The following SNX19 variants were observed in gnomAD, a reference collection of about 807,000 sequenced individuals.
SNX19 encodes sorting nexin 19, also known as sorting nexin-19.
Under a neutral mutation model 85.2 loss-of-function variants are expected in SNX19, and 60 were observed. The ratio of observed to expected loss-of-function variants is 0.70; its 90% confidence interval spans 0.57 to 0.87. The LOEUF (loss-of-function observed/expected upper bound fraction) is 0.87. Ranked by LOEUF, SNX19 falls within the 40% of genes least tolerant of loss-of-function variation. SNX19 has a pLI of 0.00. For missense variants in SNX19, 1,201 were observed against 1,217.8 expected, an observed-to-expected ratio of 0.99 and a Z score of 0.21; for synonymous variants, 520 against 470.0, an observed-to-expected ratio of 1.11 and a Z score of -1.38.
At chr11:130,903,205 C>A in intron 8 of SNX19, 50 bp downstream of exon 8, 3 of 1,609,338 alleles carry the variant, frequency 1.9e-6, no homozygotes, top group South Asian at 1.1e-5. Context: ...TCACATCCAC[C>A]TTCTCTGCAA....
rs192034477 is a variant in SNX19 at position 130,872,077 on chromosome 11, C to A, written c.*6345G>T. Among the ~76,000 whole-genome samples, 1 of 152,050 alleles carries A rather than the reference C, an allele frequency of 6.6e-6. No homozygotes were observed. ...AGAGATGGTGTGCTGGGGGCTTTCA[C>A]GGAAGCGCTTGCAGGTAAGGCTTGG... On this transcript the variant is annotated 3_prime_UTR_variant, in exon 11 of 11. Transcript: ENST00000265909.
At chr11:130,903,749 A>ACACG (rs1945443545) in intron 7 of SNX19, among the ~76,000 whole-genome samples, 1 of 142,144 alleles carries the variant, frequency 7.0e-6, no homozygotes, top group Admixed American at 7.1e-5. Context: ...ACACACACAC[A>ACACG]CGCACTTATT....
In SNX19 at chr11:130,868,186, C is replaced by T. The variant is rs562724179; in HGVS notation, c.*10236G>A. 3 of 152,152 alleles carry T rather than the reference C, an allele frequency of 2.0e-5. No individual in the cohort carries two copies. The highest frequency in any genetic ancestry group is 6.5e-5 in the Admixed American group (1 of 15,280). 9.4% of individuals were successfully genotyped at this position (152,152 alleles called of 1,614,324 possible). A position where few individuals can be genotyped will look rare whatever the true frequency, so the allele number is the denominator to read the frequency against. On this transcript the variant is annotated 3_prime_UTR_variant, in exon 11 of 11. Coordinates refer to ENST00000265909, the MANE Select transcript of SNX19 (RefSeq NM_014758.3). ...GCTGATTTTTCACTTCTCATGCCTT[C>T]CCTTTTCACACACTGGGGGCAGACA...
intron 8 of SNX19, among the ~76,000 whole-genome samples, chr11:130,883,491 A>T (rs534312994): frequency 6.6e-6 from 1 of 152,228 alleles, no homozygotes; most frequent in African/African-American, 2.4e-5. Context: ...CCAGGCCTAC[A>T]AAGAGGGACA....
chr11:130,915,876 T>C lies in SNX19; in HGVS notation c.64A>G (p.Asn22Asp), dbSNP rs753568147. The stretch of plus-strand genomic sequence containing the variant: ...ATCAGCTTCCGGCTACTCAACAGGT[T>C]ATTGAGGTGACAGCTCGATCCAGCT... ...TPAGSSCHLN[N>D]LLSSRKLMAV... The change falls in exon 1 of 11, where the codon AAC becomes GAC. Residue 22 changes from asparagine to aspartate, a missense_variant. This residue lies in a region of SNX19 where 791 missense variants were observed against 750.9 expected (regional missense o/e 1.05). Transcript: ENST00000265909. The C allele has an allele frequency of 1.9e-6, 3 of 1,614,078 alleles. No individual in the cohort carries two copies. The African/African-American group carries it at 4.0e-5, about 22-fold the overall frequency.
intron 7 of SNX19, among the ~76,000 whole-genome samples, chr11:130,904,289 T>C (rs1033246231): frequency 2.6e-5 from 4 of 152,202 alleles, no homozygotes; most frequent in Non-Finnish European, 5.9e-5. Context: ...ATTAATATTA[T>C]AAGTAATATC....
intron 8 of SNX19, among the ~76,000 whole-genome samples, chr11:130,886,976 C>T (rs925502477): frequency 6.6e-6 from 1 of 152,148 alleles, no homozygotes; most frequent in Admixed American, 6.5e-5. Flanking sequence ...AAATGAACCC[C>T]GAGGGCAAGA....
chr11:130,872,192 C>T lies in SNX19; in HGVS notation c.*6230G>A, dbSNP rs968665184. On this transcript the variant is annotated 3_prime_UTR_variant, in exon 11 of 11. Coordinates refer to ENST00000265909, the MANE Select transcript of SNX19 (RefSeq NM_014758.3). ...GTAATTCTCTGCATCCTGTCACATG[C>T]TTGTTTCTGCCTCCAAGAAAGCAGA... Among the ~76,000 whole-genome samples, 1 of 152,152 alleles carries T rather than the reference C, an allele frequency of 6.6e-6. No individual in the cohort carries two copies. Among genetic ancestry groups the T allele is most frequent in the Non-Finnish European group, 1.5e-5 (1 of 68,026 alleles).
At chr11:130,894,554 G>T (rs11222379) in intron 8 of SNX19, among the ~76,000 whole-genome samples, 16,819 of 151,766 alleles carry the variant, frequency 0.11, 1,049 homozygotes, top group South Asian at 0.22. Context: ...AAAACAAACA[G>T]GTCTTCCTCA....
At chr11:130,893,740 G>C (rs1483567231) in intron 8 of SNX19, 1 of 694,968 alleles carries the variant, frequency 1.4e-6, no homozygotes, top group Non-Finnish European at 2.6e-6. Context: ...GGGGGAGAGA[G>C]GAGGCAGGTG....
At chr11:130,908,852 C>T (rs1247057112) in intron 4 of SNX19, among the ~76,000 whole-genome samples, 1 of 152,246 alleles carries the variant, frequency 6.6e-6, no homozygotes, top group Non-Finnish European at 1.5e-5. Context: ...ATTTACTCTT[C>T]CTCTGGTGCT....
chr11:130,875,777 G>A lies in SNX19; in HGVS notation c.*2645C>T, dbSNP rs1943215564. On this transcript the variant is annotated 3_prime_UTR_variant, in exon 11 of 11. Coordinates refer to ENST00000265909, the MANE Select transcript of SNX19 (RefSeq NM_014758.3). ...GTTAACGGGTGCAGCACACCAACAC[G>A]GCACATGTATACATATGCAACAAAC... 1.3e-5 allele frequency: 2 copies of A among 151,922 alleles called. No individual in the cohort carries two copies. The highest frequency in any genetic ancestry group is 4.2e-4 in the South Asian group (2 of 4,814). 9.4% of individuals were successfully genotyped at this position (151,922 alleles called of 1,614,324 possible).
intron 8 of SNX19, chr11:130,893,698 A>G: frequency 1.5e-6 from 1 of 671,662 alleles, no homozygotes; most frequent in East Asian, 2.7e-5. Flanking sequence ...GGAGTAATAA[A>G]TAAAACTGGA....
At chr11:130,885,158 G>C (rs1017056617) in intron 8 of SNX19, among the ~76,000 whole-genome samples, 28 of 152,050 alleles carry the variant, frequency 1.8e-4, no homozygotes, top group African/African-American at 6.8e-4. Context: ...AGCCTTAATA[G>C]GGGGCCTAGA....
rs1173012942 is a variant in SNX19 at position 130,875,002 on chromosome 11, C to T, written c.*3420G>A. 6.6e-6 allele frequency among the ~76,000 whole-genome samples: 1 copy of T among 152,166 alleles called. No homozygotes were observed. The highest frequency in any genetic ancestry group is 2.4e-5 in the African/African-American group (1 of 41,444). ...CAGAACAATATATGATCCAGCAATCCTACTTCTGGGTATTTATCTAAAATA... is the reference window on the plus strand; with the variant it reads ...CAGAACAATATATGATCCAGCAATCTTACTTCTGGGTATTTATCTAAAATA... On this transcript the variant is annotated 3_prime_UTR_variant, in exon 11 of 11. Coordinates refer to ENST00000265909, the MANE Select transcript of SNX19 (RefSeq NM_014758.3).
intron 8 of SNX19, among the ~76,000 whole-genome samples, chr11:130,892,056 C>T (rs1362534402): frequency 6.6e-6 from 1 of 151,390 alleles, no homozygotes; most frequent in African/African-American, 2.4e-5. Context: ...GTTGATCAGG[C>T]TGGTCTGAAA....
At chr11:130,888,164 TA>T (rs1462407176) in intron 8 of SNX19, among the ~76,000 whole-genome samples, 1 of 151,628 alleles carries the variant, frequency 6.6e-6, no homozygotes, top group Non-Finnish European at 1.5e-5. Context: ...TTTGTGCAAT[TA>T]AAAAAAAATC....
rs753014339 is a variant in SNX19 at position 130,915,453 on chromosome 11, C to T, written c.487G>A (p.Gly163Ser). 3.1e-6 allele frequency: 5 copies of T among 1,614,056 alleles called. No individual in the cohort carries two copies. The highest frequency in any genetic ancestry group is 2.5e-6 in the Non-Finnish European group (3 of 1,180,028). ...TGAATGTAGCTCTGCAGGTGACAAC[C>T]GCAGAGAGTCAGAACACTCTGGGCA... ...AVAQSVLTLC[G>S]CHLQSYIQAK... Residue 163 changes from glycine to serine, a missense_variant, in exon 1 of 11, where the codon GGT becomes AGT. By Grantham distance (56) the Gly-to-Ser change is moderately conservative (BLOSUM62 0). Coordinates refer to ENST00000265909, the MANE Select transcript of SNX19 (RefSeq NM_014758.3).
At chr11:130,892,674 G>A (rs10732870) in intron 8 of SNX19, 90,996 of 152,020 alleles carry the variant, frequency 0.6, 27,658 homozygotes, top group South Asian at 0.73. Flanking sequence ...AAATTGGGAC[G>A]AGGCCTCAGG....
Sources: allele counts gnomAD v4.1 joint callset (sites outside exome capture counted in the v4.1 genomes callset), GRCh38; gene constraint gnomAD v4.1.1; regional missense constraint gnomAD v4.1.1; transcripts MANE v1.5; gene names NCBI Gene and HGNC (gene_info 2026-07-23, HGNC 2026-07-21).